Variants in THSD7B observed in about 807,000 individuals in gnomAD.
THSD7B encodes the protein thrombospondin type-1 domain-containing protein 7B.
Under a neutral mutation model 213.6 loss-of-function variants are expected in THSD7B, and 138 were observed. That is an observed-to-expected ratio of 0.65 (90% CI 0.56 to 0.74). The LOEUF is 0.74. Ranked by LOEUF, THSD7B falls within the 30% of genes least tolerant of loss-of-function variation. The pLI is 0.00. For synonymous variants in THSD7B, 742 were observed against 687.0 expected, an observed-to-expected ratio of 1.08 and a Z score of -1.25; for missense variants, 1,931 against 1,991.5, an observed-to-expected ratio of 0.97 and a Z score of 0.58.
At chr2:137,066,422 G>A (rs1414332245) in intron 3 of THSD7B, among the ~76,000 whole-genome samples, 1 of 151,936 alleles carries the variant, frequency 6.6e-6, no homozygotes, top group East Asian at 1.9e-4. Context: ...TTGAACTCCT[G>A]ACCTTAAATA....
intron 12 of THSD7B, among the ~76,000 whole-genome samples, chr2:137,399,733 C>T (rs1238511503): frequency 1.3e-5 from 2 of 152,044 alleles, no homozygotes; most frequent in Non-Finnish European, 1.5e-5. Flanking sequence ...ATCTGGATAT[C>T]TAAATCACTA....
At position 137,594,375 on chromosome 2, in the gene THSD7B, GGCAAA is replaced by G. The variant is rs1197459328; in HGVS notation, c.3424-21796_3424-21792del. The stretch of plus-strand genomic sequence containing the variant: ...GTGCAAGTCATTAGCTGCAAGTCAT[GGCAAA>G]GCAGAGAAATTGGTACACAGAACTG... On this transcript the variant is annotated intron_variant, in intron 17 of 27. Transcript: ENST00000409968. 2.0e-5 allele frequency among the ~76,000 whole-genome samples: 3 copies of G among 152,082 alleles called. No homozygotes were observed. The East Asian group carries it at 5.8e-4, about 29-fold the overall frequency.
At chr2:137,394,962 TTGTC>T (rs1442368448) in intron 12 of THSD7B, among the ~76,000 whole-genome samples, 3 of 147,512 alleles carry the variant, frequency 2.0e-5, no homozygotes, top group African/African-American at 7.8e-5. Context: ...GGCTCTCTGT[TTGTC>T]TGTTATTGGT....
intron 1 of THSD7B, among the ~76,000 whole-genome samples, chr2:136,873,146 G>T (rs1683468251): frequency 6.7e-6 from 1 of 148,856 alleles, no homozygotes; most frequent in South Asian, 2.5e-4. Flanking sequence ...CTTTTTATCT[G>T]TTATGTCCAG....
intron 5 of THSD7B, among the ~76,000 whole-genome samples, chr2:137,145,737 T>G (rs2104969160): frequency 6.6e-6 from 1 of 152,196 alleles, no homozygotes; most frequent in East Asian, 1.9e-4. Flanking sequence ...GCACCTGTAG[T>G]TTTTCATATG....
intron 7 of THSD7B, among the ~76,000 whole-genome samples, chr2:137,226,624 A>T (rs945602481): frequency 2.0e-5 from 3 of 151,882 alleles, no homozygotes; most frequent in African/African-American, 7.2e-5. Flanking sequence ...GTATTAGAAG[A>T]GTAGTGTGAA....
At chr2:136,846,149 G>A (rs1324598805) in intron 1 of THSD7B, among the ~76,000 whole-genome samples, 2 of 152,118 alleles carry the variant, frequency 1.3e-5, no homozygotes, top group African/African-American at 4.8e-5. Context: ...GAGTCTTCCA[G>A]ATAAAATGAG....
chr2:137,133,256 AT>A (rs906244445), intron 5 of THSD7B, among the ~76,000 whole-genome samples: 4 of 152,170 alleles, frequency 2.6e-5, no homozygotes, highest in Non-Finnish European at 5.9e-5. Flanking sequence ...CGAATAATCT[AT>A]TTTAAAGCAA....
chr2:137,174,442 G>C (rs1392302725), intron 7 of THSD7B, among the ~76,000 whole-genome samples: 1 of 152,202 alleles, frequency 6.6e-6, no homozygotes, highest in East Asian at 1.9e-4. Flanking sequence ...AAACCAGGGA[G>C]TATATGGAAA....
chr2:137,623,974 A>C (rs1417472964), intron 20 of THSD7B, among the ~76,000 whole-genome samples: 4 of 152,206 alleles, frequency 2.6e-5, no homozygotes, highest in Non-Finnish European at 5.9e-5. Context: ...ATTGGAAAAA[A>C]CTACTTTAAA....
chr2:137,244,318 TATAAG>T (rs1681977111), intron 10 of THSD7B, among the ~76,000 whole-genome samples: 4 of 152,218 alleles, frequency 2.6e-5, no homozygotes, highest in Admixed American at 6.5e-5. Context: ...GTTAAATTGT[TATAAG>T]AAGAGACTGG....
chr2:137,184,278 G>A (rs926728456), intron 7 of THSD7B, among the ~76,000 whole-genome samples: 2 of 152,180 alleles, frequency 1.3e-5, no homozygotes, highest in Admixed American at 6.5e-5. Context: ...TCCCATGCAG[G>A]AGAGAGGAGC....
At chr2:137,438,675 C>T (rs974826974) in intron 14 of THSD7B, among the ~76,000 whole-genome samples, 13 of 151,966 alleles carry the variant, frequency 8.6e-5, no homozygotes, top group African/African-American at 3.1e-4. Flanking sequence ...GGGATATAAG[C>T]CTAGGTCAGC....
At chr2:137,091,161 CAATT>C (rs1364912346) in intron 3 of THSD7B, among the ~76,000 whole-genome samples, 1 of 152,186 alleles carries the variant, frequency 6.6e-6, no homozygotes, top group African/African-American at 2.4e-5. Context: ...ATAAAAGCCT[CAATT>C]AATTCCTATA....
Position 137,465,779 on chromosome 2 carries a change from C to T in THSD7B, c.3138+14756C>T, listed in dbSNP as rs1046838280. Among the ~76,000 whole-genome samples the T allele has an allele frequency of 2.8e-4, 42 of 152,096 alleles. 1 individual carries two copies. Among genetic ancestry groups the T allele is most frequent in the Non-Finnish European group, 7.4e-5 (5 of 67,994 alleles). ...TGGCTTCATCCTCTAATATTGCCGT[C>T]TGACAATGACTCTCTGAACCACTAA... On this transcript the variant is annotated intron_variant, in intron 15 of 27. Coordinates refer to ENST00000409968, the MANE Select transcript of THSD7B (RefSeq NM_001316349.2).
intron 3 of THSD7B, among the ~76,000 whole-genome samples, chr2:137,064,873 T>C (rs555748675): frequency 6.6e-6 from 1 of 152,188 alleles, no homozygotes; most frequent in African/African-American, 2.4e-5. Flanking sequence ...GTATGTCTGC[T>C]TTTATGGCAG....
chr2:137,630,711 C>A (rs1682724832), intron 20 of THSD7B, among the ~76,000 whole-genome samples: 2 of 152,192 alleles, frequency 1.3e-5, no homozygotes, highest in African/African-American at 4.8e-5. Flanking sequence ...AGCAGCTCGC[C>A]TGTTCTAAGA....
chr2:137,194,388 C>A (rs904727116), intron 7 of THSD7B, among the ~76,000 whole-genome samples: 1 of 152,182 alleles, frequency 6.6e-6, no homozygotes, highest in Non-Finnish European at 1.5e-5. Context: ...CAGTTTAGAG[C>A]AGCCCCTCCT....
chr2:136,799,435 C>G (rs1225110476), intron 1 of THSD7B, among the ~76,000 whole-genome samples: 1 of 151,960 alleles, frequency 6.6e-6, no homozygotes, highest in Non-Finnish European at 1.5e-5. Flanking sequence ...TTCATAGATT[C>G]CATTTTTTTG....
Sources: allele counts gnomAD v4.1 joint callset (sites outside exome capture counted in the v4.1 genomes callset), GRCh38; gene constraint gnomAD v4.1.1; transcripts MANE v1.5; gene names NCBI Gene and HGNC (gene_info 2026-07-23, HGNC 2026-07-21).